ESRRG: variants seen among roughly 807,000 people sequenced by gnomAD.
ESRRG encodes the protein estrogen related receptor gamma.
Under a neutral mutation model 44.0 loss-of-function variants are expected in ESRRG, and 13 were observed. The observed-to-expected ratio is 0.30, with a 90% CI of 0.19 to 0.47. The LOEUF (loss-of-function observed/expected upper bound fraction) is 0.47, where lower values mean the gene tolerates loss of function less well. ESRRG is among the 20% of genes least tolerant of loss of function. The probability of loss-of-function intolerance (pLI) is 1.00; values close to 1 mark genes in which losing one functional copy is unlikely to be tolerated. For synonymous variants in ESRRG, 215 were observed against 214.6 expected (o/e 1.00, Z -0.02); for missense variants, 395 against 580.6 (o/e 0.68, Z 3.29).
At chr1:216,788,882 G>C (rs891917146) in intron 2 of ESRRG, among the ~76,000 whole-genome samples, 1 of 152,158 alleles carries the variant, frequency 6.6e-6, no homozygotes, top group African/African-American at 2.4e-5. Context: ...CAAGACTTCA[G>C]TGGAGGGAGG....
intron 1 of ESRRG, chr1:216,707,407 C>T: frequency 1.3e-6 from 2 of 1,535,884 alleles, no homozygotes; most frequent in Non-Finnish European, 1.7e-6. Context: ...TGCTCCAAGA[C>T]CCCAATCACA....
At chr1:216,902,017 C>A (rs2059134295) in intron 2 of ESRRG, among the ~76,000 whole-genome samples, 1 of 152,144 alleles carries the variant, frequency 6.6e-6, no homozygotes, top group Non-Finnish European at 1.5e-5. Flanking sequence ...CCTGCCATTG[C>A]CTCCCAAGTT....
chr1:216,696,558 G>A (rs1202847437), intron 1 of ESRRG, among the ~76,000 whole-genome samples: 1 of 152,082 alleles, frequency 6.6e-6, no homozygotes, highest in African/African-American at 2.4e-5. Flanking sequence ...GTGTTGAAAA[G>A]TCAAAATTAC....
At chr1:216,721,214 T>C (rs1047245711) in intron 1 of ESRRG, among the ~76,000 whole-genome samples, 7 of 152,224 alleles carry the variant, frequency 4.6e-5, no homozygotes, top group African/African-American at 1.7e-4. Context: ...GGTCAATAAA[T>C]GGTATGAATC....
chr1:217,046,621 G>A (rs916656647), intron 1 of ESRRG, among the ~76,000 whole-genome samples: 6 of 152,108 alleles, frequency 3.9e-5, no homozygotes, highest in Admixed American at 1.3e-4. Flanking sequence ...TGGTGGCTCA[G>A]GCCTGTAATC....
chr1:217,063,278 C>T (rs1039020854), intron 1 of ESRRG, among the ~76,000 whole-genome samples: 2 of 152,184 alleles, frequency 1.3e-5, no homozygotes, highest in Non-Finnish European at 2.9e-5. Context: ...AACAAGCCAC[C>T]TCCTGCTATC....
At chr1:217,075,950 T>C (rs943806406) in intron 1 of ESRRG, among the ~76,000 whole-genome samples, 5 of 152,160 alleles carry the variant, frequency 3.3e-5, no homozygotes, top group African/African-American at 9.6e-5. Flanking sequence ...GAGGTATTAA[T>C]AGAAAAATAC....
intron 1 of ESRRG, among the ~76,000 whole-genome samples, chr1:216,961,615 C>G (rs1463066844): frequency 7.0e-6 from 1 of 143,884 alleles, no homozygotes; most frequent in Non-Finnish European, 1.5e-5. Context: ...GTACCTGGTA[C>G]TTGATACACT....
At chr1:217,133,011 A>G (rs2092986993) in intron 1 of ESRRG, among the ~76,000 whole-genome samples, 1 of 152,168 alleles carries the variant, frequency 6.6e-6, no homozygotes. Flanking sequence ...GCAAGGAGAA[A>G]GAGAACTTGG....
At chr1:216,788,379 T>C (rs974636860) in intron 2 of ESRRG, among the ~76,000 whole-genome samples, 13 of 152,112 alleles carry the variant, frequency 8.5e-5, no homozygotes, top group African/African-American at 3.1e-4. Flanking sequence ...AGAATGATCC[T>C]AAATCTACTC....
At chr1:217,056,365 A>G (rs552763395) in intron 1 of ESRRG, among the ~76,000 whole-genome samples, 4 of 152,148 alleles carry the variant, frequency 2.6e-5, no homozygotes, top group Non-Finnish European at 5.9e-5. Context: ...ATAGGTCACC[A>G]TATATTTATT....
intron 5 of ESRRG, among the ~76,000 whole-genome samples, chr1:216,560,221 T>C (rs1426328859): frequency 6.6e-6 from 1 of 152,270 alleles, no homozygotes; most frequent in African/African-American, 2.4e-5. Flanking sequence ...TTATAGGAAT[T>C]TTTTTCTATT....
intron 2 of ESRRG, among the ~76,000 whole-genome samples, chr1:216,911,518 T>C (rs2060296913): frequency 6.6e-6 from 1 of 152,198 alleles, no homozygotes; most frequent in Non-Finnish European, 1.5e-5. Flanking sequence ...TAATGGTAGC[T>C]ACATGTCATT....
At chr1:216,748,224 C>A (rs549677843) in intron 2 of ESRRG, among the ~76,000 whole-genome samples, 1 of 152,252 alleles carries the variant, frequency 6.6e-6, no homozygotes, top group South Asian at 2.1e-4. Flanking sequence ...TTACAAGTAT[C>A]ACACTAGTTA....
At chr1:216,601,348 G>A (rs1194906712) in intron 3 of ESRRG, among the ~76,000 whole-genome samples, 1 of 152,134 alleles carries the variant, frequency 6.6e-6, no homozygotes, top group Non-Finnish European at 1.5e-5. Flanking sequence ...GTCCGGAGCC[G>A]ACGCCGGGCT....
At position 217,133,100 on chromosome 1, in the gene ESRRG, G is replaced by A. The variant is rs115347466; in HGVS notation, c.-230+4567C>T. Among the ~76,000 whole-genome samples, 485 of 152,336 alleles carry A rather than the reference G, an allele frequency of 3.2e-3. 5 individuals are homozygous for A. Among genetic ancestry groups the A allele is most frequent in the African/African-American group, 0.011 (462 of 41,570 alleles). ...GTCAGGCCACAGAGGCCTAGCGCGG[G>A]AAGGACAGGCCAGAAAGAAGCCTGC... On this transcript the variant is annotated intron_variant, in intron 1 of 8. Coordinates refer to the ESRRG transcript ENST00000366940.
intron 1 of ESRRG, among the ~76,000 whole-genome samples, chr1:217,044,032 A>T (rs2084383941): frequency 1.3e-5 from 2 of 152,204 alleles, no homozygotes; most frequent in South Asian, 4.1e-4. Context: ...AGAAAAAAAA[A>T]GTGTGGATCA....
chr1:216,522,255 C>CTTTTTT (rs71161437), intron 5 of ESRRG, among the ~76,000 whole-genome samples: 2 of 29,260 alleles, frequency 6.8e-5, no homozygotes, highest in Non-Finnish European at 5.6e-5. Flanking sequence ...AACAGCTCTC[C>CTTTTTT]TTTTTTTTTT....
intron 1 of ESRRG, among the ~76,000 whole-genome samples, chr1:216,713,914 T>A (rs2084211536): frequency 6.6e-6 from 1 of 152,230 alleles, no homozygotes; most frequent in African/African-American, 2.4e-5. Flanking sequence ...GCTCTCTCAG[T>A]CTTATCAGGT....
Sources: allele counts gnomAD v4.1 joint callset (sites outside exome capture counted in the v4.1 genomes callset), GRCh38; gene constraint gnomAD v4.1.1; transcripts MANE v1.5; gene names NCBI Gene and HGNC (gene_info 2026-07-23, HGNC 2026-07-21).